Variants in SHOC2 observed in about 807,000 individuals in gnomAD.
The protein encoded by SHOC2 is leucine-rich repeat protein SHOC-2.
In SHOC2, 4 loss-of-function variants were observed where a neutral mutation model predicts 50.2. The observed-to-expected ratio is 0.08, with a 90% CI of 0.04 to 0.18. SHOC2 has a LOEUF of 0.18. Among genes scored for constraint, SHOC2 ranks in the 10% least tolerant of loss-of-function variants. The probability of loss-of-function intolerance (pLI) is 1.00; values close to 1 mark genes in which losing one functional copy is unlikely to be tolerated. For synonymous variants in SHOC2, 218 were observed against 244.5 expected, an observed-to-expected ratio of 0.89 and a Z score of 1.01; for missense variants, 388 against 669.6, an observed-to-expected ratio of 0.58 and a Z score of 4.64.
At chr10:110,921,993 C>G (rs980406419) in intron 1 of SHOC2, among the ~76,000 whole-genome samples, 2 of 151,468 alleles carry the variant, frequency 1.3e-5, no homozygotes, top group Non-Finnish European at 2.9e-5. Flanking sequence ...TTTAAACTAC[C>G]GTATTCAGAA....
chr10:110,995,297 A>G (rs1848249976), intron 3 of SHOC2, among the ~76,000 whole-genome samples: 1 of 152,206 alleles, frequency 6.6e-6, no homozygotes, highest in African/African-American at 2.4e-5. Context: ...GACCAAATAT[A>G]ATTAATTGCC....
intron 1 of SHOC2, chr10:110,937,060 G>A (rs1483883242): frequency 1.3e-6 from 2 of 1,489,162 alleles, no homozygotes; most frequent in Non-Finnish European, 1.9e-6. Context: ...TCCGCTTGCG[G>A]AGGAAAGCCA....
chr10:110,936,658 G>A, intron 1 of SHOC2: 1 of 988,438 alleles, frequency 1.0e-6, no homozygotes, highest in Non-Finnish European at 1.5e-6. Flanking sequence ...GGACCTCTGT[G>A]TATTTGTCAG....
intron 1 of SHOC2, among the ~76,000 whole-genome samples, chr10:110,940,848 A>G (rs1345383598): frequency 1.3e-5 from 2 of 150,248 alleles, no homozygotes; most frequent in Non-Finnish European, 3.0e-5. Flanking sequence ...CACTCTTTCT[A>G]TAGATTGACC....
intron 3 of SHOC2, 39 bp downstream of exon 3, chr10:110,985,804 G>A: frequency 6.5e-7 from 1 of 1,537,452 alleles, no homozygotes; most frequent in Non-Finnish European, 9.0e-7. Flanking sequence ...GCTGTTAATA[G>A]CTAACTGGAT....
rs147395324 is a variant in SHOC2, at chr10:111,001,132, G to C, written c.972+587G>C. On this transcript the variant is annotated intron_variant, in intron 4 of 8. Transcript: ENST00000369452. ...AAAATATTTTCACTTATTTTGCTTAGGGATTAATTGGGTAAGATATAATAC... is the reference window on the plus strand; with the variant it reads ...AAAATATTTTCACTTATTTTGCTTACGGATTAATTGGGTAAGATATAATAC... Among the ~76,000 whole-genome samples the C allele has an allele frequency of 1.3e-4, 20 of 150,196 alleles. No homozygotes were observed. The East Asian group carries it at 3.9e-3, about 29-fold the overall frequency.
chr10:110,938,714 A>C (rs1847079016), intron 1 of SHOC2, among the ~76,000 whole-genome samples: 1 of 152,340 alleles, frequency 6.6e-6, no homozygotes, highest in African/African-American at 2.4e-5. Context: ...AGCACTTCTT[A>C]TTCCAAACCT....
At chr10:110,997,580 C>CT (rs1290917712) in intron 3 of SHOC2, among the ~76,000 whole-genome samples, 2 of 152,028 alleles carry the variant, frequency 1.3e-5, no homozygotes, top group Non-Finnish European at 2.9e-5. Flanking sequence ...CATCTTAAAA[C>CT]TTTTTATAAC....
chr10:110,972,006 A>C (rs542183369), intron 2 of SHOC2, among the ~76,000 whole-genome samples: 119 of 151,864 alleles, frequency 7.8e-4, no homozygotes, highest in Non-Finnish European at 1.3e-3. Context: ...TTTAACTCCT[A>C]TTATGTAATT....
chr10:111,011,146 A>G (rs1229482472), intron 8 of SHOC2, among the ~76,000 whole-genome samples: 1 of 152,232 alleles, frequency 6.6e-6, no homozygotes, highest in East Asian at 1.9e-4. Context: ...TAAGTAACAA[A>G]TATTTTGCAC....
intron 2 of SHOC2, among the ~76,000 whole-genome samples, chr10:110,974,159 CAA>C (rs1167228104): frequency 4.6e-5 from 7 of 151,966 alleles, no homozygotes; most frequent in Admixed American, 2.6e-4. Flanking sequence ...AAATTTCCCT[CAA>C]AGTACTTTTT....
intron 2 of SHOC2, among the ~76,000 whole-genome samples, chr10:110,970,924 T>G (rs1287279626): frequency 1.3e-5 from 2 of 152,114 alleles, no homozygotes; most frequent in Non-Finnish European, 2.9e-5. Context: ...TAATGATGAT[T>G]ATTGTTTTGC....
At chr10:110,967,215 G>A (rs1847692929) in intron 2 of SHOC2, among the ~76,000 whole-genome samples, 2 of 152,152 alleles carry the variant, frequency 1.3e-5, no homozygotes, top group African/African-American at 4.8e-5. Context: ...AACTGACACT[G>A]TAGAAAAATT....
chr10:110,972,914 C>T (rs1298984290), intron 2 of SHOC2, among the ~76,000 whole-genome samples: 3 of 152,176 alleles, frequency 2.0e-5, no homozygotes, highest in African/African-American at 2.4e-5. Context: ...AGACAGTTTA[C>T]TTTCCATGTG....
intron 2 of SHOC2, among the ~76,000 whole-genome samples, chr10:110,967,076 T>C (rs1847689663): frequency 6.6e-6 from 1 of 152,182 alleles, no homozygotes; most frequent in Non-Finnish European, 1.5e-5. Flanking sequence ...ATAATAAGGA[T>C]GGCTGTTGTT....
rs751292868 is a variant in SHOC2 at position 110,965,059 on chromosome 10, T to C, written c.701T>C (p.Ile234Thr). The C allele has an allele frequency of 2.5e-6, 4 of 1,612,278 alleles. No individual in the cohort carries two copies. The highest frequency in any genetic ancestry group is 1.1e-5 in the South Asian group (1 of 91,042). The change falls in exon 2 of 9, where the codon ATT becomes ACT. Residue 234 changes from isoleucine to threonine, a missense_variant and splice_region_variant. Ile to Thr is a moderately conservative substitution (Grantham distance 89). Coordinates refer to ENST00000369452, the MANE Select transcript of SHOC2 (RefSeq NM_007373.4). ...AAAATTAAACAACTACCTGCTGAAA[T>C]TGGTAAGAGGCCTTGGATTATTATT... ...ENKIKQLPAE[I>T]GELCNLITLD...
At chr10:110,955,567 C>T (rs948326348) in intron 1 of SHOC2, among the ~76,000 whole-genome samples, 2 of 152,026 alleles carry the variant, frequency 1.3e-5, no homozygotes, top group African/African-American at 2.4e-5. Context: ...TGTGTAGACT[C>T]ATTAACTGCT....
intron 4 of SHOC2, among the ~76,000 whole-genome samples, chr10:111,001,932 A>G (rs1375372626): frequency 1.3e-5 from 2 of 152,110 alleles, no homozygotes; most frequent in Admixed American, 1.3e-4. Context: ...CCAGCTACTC[A>G]GAAGGCTGAG....
chr10:110,992,619 A>C (rs10885076), intron 3 of SHOC2, among the ~76,000 whole-genome samples: 1 of 152,120 alleles, frequency 6.6e-6, no homozygotes, highest in Non-Finnish European at 1.5e-5. Flanking sequence ...AATTCACAGA[A>C]GCCTTTTTGT....
Sources: gnomAD v4.1 joint callset for allele counts (sites outside exome capture counted in the v4.1 genomes callset) on GRCh38, gnomAD v4.1.1 for gene constraint, MANE v1.5 for transcripts, NCBI Gene and HGNC (gene_info 2026-07-23, HGNC 2026-07-21) for gene names.